The following SPTLC2 variants were observed in gnomAD, a reference collection of about 807,000 sequenced individuals.
SPTLC2 encodes serine palmitoyltransferase 2.
A neutral mutation model predicts 62.0 loss-of-function variants in SPTLC2; 21 were observed. That is an observed-to-expected ratio of 0.34 (90% CI 0.24 to 0.49). The LOEUF is 0.49. Among genes scored for constraint, SPTLC2 ranks in the 20% least tolerant of loss-of-function variants. The probability of loss-of-function intolerance (pLI) is 0.99; values close to 1 mark genes in which losing one functional copy is unlikely to be tolerated. For missense variants in SPTLC2, 511 were observed against 713.0 expected, an observed-to-expected ratio of 0.72 and a Z score of 3.23; for synonymous variants, 261 against 261.8, an observed-to-expected ratio of 1.00 and a Z score of 0.03.
At chr14:77,540,265 G>C (rs1396069729) in intron 9 of SPTLC2, among the ~76,000 whole-genome samples, 2 of 145,276 alleles carry the variant, frequency 1.4e-5, no homozygotes, top group Non-Finnish European at 3.0e-5. Context: ...TTGAAGATCA[G>C]ACAGCAATAA....
chr14:77,535,918 C>T (rs1256834015), intron 9 of SPTLC2: 1 of 453,678 alleles, frequency 2.2e-6, no homozygotes, highest in African/African-American at 2.0e-5. Flanking sequence ...GATCCATAGG[C>T]ACTGGTGACT....
chr14:77,513,113 C>T (rs1308630029), intron 11 of SPTLC2, among the ~76,000 whole-genome samples: 1 of 145,908 alleles, frequency 6.9e-6, no homozygotes, highest in Non-Finnish European at 1.5e-5. Flanking sequence ...GCAGCCTCTG[C>T]CTCCTGGGTT....
chr14:77,582,887 GT>G (rs2079759612), intron 2 of SPTLC2, among the ~76,000 whole-genome samples: 1 of 152,158 alleles, frequency 6.6e-6, no homozygotes, highest in Admixed American at 6.5e-5. Context: ...TCTGATCTCA[GT>G]CAGTAGGTTC....
Position 77,570,510 on chromosome 14 carries a change from T to A in SPTLC2, c.632-2A>T. 1 of 1,613,546 alleles carries A rather than the reference T, an allele frequency of 6.2e-7. No individual in the cohort carries two copies. The highest frequency in any genetic ancestry group is 8.5e-7 in the Non-Finnish European group (1 of 1,179,910). On this transcript the variant is annotated splice_acceptor_variant, in intron 4 of 11. Transcript: ENST00000216484. LOFTEE classifies it high-confidence loss of function. The stretch of plus-strand genomic sequence containing the variant: ...GTTCTTCATGCTTGTCCAGGTTTCC[T>A]GTGTGAAGAAGTTAATAAAGTCAGT...
At chr14:77,576,690 G>T in intron 4 of SPTLC2, 77 bp downstream of exon 4, 1 of 1,585,902 alleles carries the variant, frequency 6.3e-7, no homozygotes, top group Non-Finnish European at 8.7e-7. Flanking sequence ...TAATACTCTA[G>T]GTCAATATTA....
chr14:77,597,502 C>T (rs2079853954), intron 1 of SPTLC2, 122 bp from the exon 2 acceptor site: 2 of 877,458 alleles, frequency 2.3e-6, no homozygotes, highest in South Asian at 3.0e-5. Context: ...CCGCCGGGCG[C>T]ACTGGCTCAC....
At chr14:77,565,965 C>G (rs1566782206) in intron 5 of SPTLC2, among the ~76,000 whole-genome samples, 1 of 152,114 alleles carries the variant, frequency 6.6e-6, no homozygotes, top group East Asian at 1.9e-4. Flanking sequence ...AAAAGCGAAA[C>G]TGGGGGAGAA....
chr14:77,610,275 G>C (rs2079928174), intron 1 of SPTLC2, among the ~76,000 whole-genome samples: 1 of 152,068 alleles, frequency 6.6e-6, no homozygotes, highest in African/African-American at 2.4e-5. Flanking sequence ...CAGAGTAGCT[G>C]GGATTATAGG....
At chr14:77,547,738 T>C (rs1251615931) in intron 9 of SPTLC2, 1 of 152,162 alleles carries the variant, frequency 6.6e-6, no homozygotes, top group Non-Finnish European at 1.5e-5. Flanking sequence ...ATCATACTGA[T>C]GGCTGAACTT....
rs2079346021 is a variant in SPTLC2 at position 77,513,894 on chromosome 14, T to TC, written c.1570-1492dup. 1.9e-4 allele frequency among the ~76,000 whole-genome samples: 5 copies of TC among 26,138 alleles called. No homozygotes were observed. The Admixed American group carries it at 2.8e-3, about 15-fold the overall frequency. The allele number at this position is 26,138 out of a possible 152,430, so 17.1% of individuals were successfully genotyped here. A position where few individuals can be genotyped will look rare whatever the true frequency, so the allele number is the denominator to read the frequency against. ...TGGGCAACAAGAGCAAAACTCTGTC[T>TC]CAAAAAAAAAAAAAAAAAAGTCAAG... is the stretch of plus-strand genomic sequence containing the variant. On this transcript the variant is annotated intron_variant, in intron 11 of 11. Coordinates refer to ENST00000216484, the MANE Select transcript of SPTLC2 (RefSeq NM_004863.4).
At chr14:77,565,591 CA>C (rs1327347512) in intron 5 of SPTLC2, among the ~76,000 whole-genome samples, 1 of 152,132 alleles carries the variant, frequency 6.6e-6, no homozygotes, top group Non-Finnish European at 1.5e-5. Flanking sequence ...CAGACAGACC[CA>C]AATTGGAGAC....
chr14:77,592,292 G>A (rs113914224), intron 2 of SPTLC2, among the ~76,000 whole-genome samples: 5,168 of 151,788 alleles, frequency 0.034, 292 homozygotes, highest in African/African-American at 0.12. Flanking sequence ...CCACCACCAC[G>A]CCTGGCTAAT....
intron 6 of SPTLC2, among the ~76,000 whole-genome samples, chr14:77,559,214 T>C (rs1231036193): frequency 1.3e-5 from 2 of 152,092 alleles, no homozygotes; most frequent in African/African-American, 4.8e-5. Context: ...TTCCAGCTAC[T>C]TGGGAGGCTG....
At chr14:77,559,914 C>A (rs2079605755) in intron 6 of SPTLC2, among the ~76,000 whole-genome samples, 1 of 151,396 alleles carries the variant, frequency 6.6e-6, no homozygotes, top group African/African-American at 2.4e-5. Context: ...TAAAATAATG[C>A]AACATAAAGG....
chr14:77,538,436 T>C (rs1030826391), intron 9 of SPTLC2, among the ~76,000 whole-genome samples: 1 of 152,210 alleles, frequency 6.6e-6, no homozygotes, highest in Non-Finnish European at 1.5e-5. Flanking sequence ...GGAGGACATT[T>C]TAAACTTGAA....
Position 77,512,058 on chromosome 14 carries a change from G to T in SPTLC2, c.*226C>A. On this transcript the variant is annotated 3_prime_UTR_variant, in exon 12 of 12. Transcript: ENST00000216484. ...TTTTTTAATGGACTGAAAAAGCAAA[G>T]TGAGTCACCTTCGTTTTTAAAGGTG... 1 of 590,370 alleles carries T rather than the reference G, an allele frequency of 1.7e-6. No homozygotes were observed. Among genetic ancestry groups the T allele is most frequent in the Non-Finnish European group, 3.0e-6 (1 of 336,798 alleles). The allele number at this position is 590,370 out of a possible 1,614,324, so 36.6% of individuals were successfully genotyped here.
At chr14:77,579,143 C>G in intron 2 of SPTLC2, 34 bp from the exon 3 acceptor site, 1 of 1,611,554 alleles carries the variant, frequency 6.2e-7, no homozygotes, top group Non-Finnish European at 8.5e-7. Context: ...ATAAATTTAA[C>G]TGAGTTACTT....
At chr14:77,548,325 G>A (rs1024127296) in intron 9 of SPTLC2, among the ~76,000 whole-genome samples, 10 of 152,160 alleles carry the variant, frequency 6.6e-5, no homozygotes, top group African/African-American at 2.2e-4. Context: ...AAGGATCCTA[G>A]ATGTCACACA....
intron 2 of SPTLC2, among the ~76,000 whole-genome samples, chr14:77,590,129 C>A (rs1302090496): frequency 1.3e-5 from 2 of 152,094 alleles, no homozygotes; most frequent in African/African-American, 2.4e-5. Flanking sequence ...GTGTAGGCCA[C>A]CACACCCAGC....
Sources: allele counts gnomAD v4.1 joint callset (sites outside exome capture counted in the v4.1 genomes callset), GRCh38; gene constraint gnomAD v4.1.1; transcripts MANE v1.5; gene names NCBI Gene and HGNC (gene_info 2026-07-23, HGNC 2026-07-21).